The following SEMA4G variants were observed in gnomAD, a reference collection of about 807,000 sequenced individuals.
SEMA4G encodes semaphorin 4G, also known as semaphorin-4G.
Under a neutral mutation model 81.2 loss-of-function variants are expected in SEMA4G, and 59 were observed. The ratio of observed to expected loss-of-function variants is 0.73; its 90% CI spans 0.59 to 0.90. The LOEUF is 0.90. Ranked by LOEUF, SEMA4G falls within the 40% of genes least tolerant of loss-of-function variation. SEMA4G has a pLI of 0.00. For missense variants in SEMA4G, 952 were observed against 1,102.3 expected (o/e 0.86, Z 1.93); for synonymous variants, 404 against 433.9 (o/e 0.93, Z 0.86).
chr10:100,972,759 T>G lies in SEMA4G; in HGVS notation c.-154T>G, dbSNP rs1807570131. The G allele has an allele frequency of 1.8e-5, 12 of 661,600 alleles. No homozygotes were observed. Among genetic ancestry groups the G allele is most frequent in the East Asian group, 5.9e-5 (2 of 33,984 alleles). 41.0% of individuals were successfully genotyped at this position (661,600 alleles called of 1,614,324 possible). On this transcript the variant is annotated 5_prime_UTR_variant, in exon 1 of 14. An upstream start codon of the reference 5' UTR is lost. Coordinates refer to ENST00000370250, the Ensembl canonical transcript of SEMA4G. ...GATTCCAGGACCCCCCATGGCCCCA[T>G]GATTCCTTGACTCCTATGACCTTAT...
intron 8 of SEMA4G, 172 bp downstream of exon 9, chr10:100,979,443 C>T (rs1222229433): frequency 1.1e-5 from 17 of 1,501,064 alleles, no homozygotes; most frequent in Middle Eastern, 4.9e-4. Context: ...AGTGCAGTGG[C>T]GCGATCTCGG....
chr10:100,977,220 G>A (rs1164756500), intron 3 of SEMA4G, among the ~76,000 whole-genome samples: 1 of 152,180 alleles, frequency 6.6e-6, no homozygotes, highest in Non-Finnish European at 1.5e-5. Flanking sequence ...GAGCAAGCTG[G>A]CATCTAGGGA....
At chr10:100,979,962 G>A in exon 9 of SEMA4G, 1 of 1,614,114 alleles carries the variant, frequency 6.2e-7, no homozygotes, top group Non-Finnish European at 8.5e-7. Context: ...GTCGCTATGA[G>A]GGTGGGGTGC....
intron 10 of SEMA4G, 27 bp downstream of exon 11, chr10:100,980,371 C>T: frequency 6.3e-7 from 1 of 1,592,340 alleles, no homozygotes; most frequent in Non-Finnish European, 8.6e-7. Flanking sequence ...TCCCTGATCC[C>T]TGTTGGCCCT....
intron 3 of SEMA4G, chr10:100,974,885 G>A (rs1026741136): frequency 2.3e-6 from 1 of 426,958 alleles, no homozygotes; most frequent in South Asian, 1.7e-5. Flanking sequence ...GCCAAGGCAG[G>A]AGGATCACTT....
exon 12 of SEMA4G, chr10:100,980,982 G>A (rs766227835): frequency 2.5e-6 from 4 of 1,599,640 alleles, no homozygotes; most frequent in African/African-American, 2.7e-5. Flanking sequence ...ATAGCCAACA[G>A]GTCCCAGGGA....
chr10:100,980,536 A>G (rs769967756), intron 10 of SEMA4G, 42 bp from the exon 12 acceptor site: 5 of 1,554,486 alleles, frequency 3.2e-6, no homozygotes, highest in Non-Finnish European at 4.4e-6. Context: ...CTGAGAGCAG[A>G]TCCCATAGTT....
At chr10:100,980,579 T>C (rs750865022) in exon 11 of SEMA4G, 1 of 1,612,948 alleles carries the variant, frequency 6.2e-7, no homozygotes, top group Admixed American at 1.7e-5. Flanking sequence ...CCATACCAGC[T>C]GATGGCTGGA....
chr10:100,985,098 T>A (rs1447292211), downstream of SEMA4G: 2 of 542,158 alleles, frequency 3.7e-6, no homozygotes, highest in Non-Finnish European at 6.3e-6. Flanking sequence ...CTAGGATGGA[T>A]GACCAACACT....
chr10:100,983,316 C>A, exon 14 of SEMA4G: 1 of 1,549,652 alleles, frequency 6.5e-7, no homozygotes. Flanking sequence ...GCCACCACCA[C>A]CACTGAAGAC....
At position 100,973,225 on chromosome 10, in the gene SEMA4G, G is replaced by A. The variant is rs1007038634; in HGVS notation, c.221G>A (p.Gly74Asp). ...GCAAGGCTGCTGGTGGGAGCCCGAG[G>A]TGCCCTGTTCTCTCTCAGTGCCAAC... The change falls in exon 2 of 14, where the codon GGT becomes GAT. Residue 74 changes from glycine to aspartate, a missense_variant. Gly to Asp is a moderately conservative substitution (Grantham distance 94, BLOSUM62 -1). Transcript: ENST00000370250. The surrounding 1 kb of genome is among the most constrained non-coding windows in gnomAD (Gnocchi z 5.5). The A allele has an allele frequency of 1.9e-6, 3 of 1,613,396 alleles. No homozygotes were observed. Among genetic ancestry groups the A allele is most frequent in the African/African-American group, 2.7e-5 (2 of 74,896 alleles).
chr10:100,982,635 T>C (rs909629233), intron 13 of SEMA4G, among the ~76,000 whole-genome samples: 1 of 152,022 alleles, frequency 6.6e-6, no homozygotes, highest in Non-Finnish European at 1.5e-5. Flanking sequence ...CTACTAAAAA[T>C]ACAAAAACTA....
chr10:100,983,844 G>A (rs753794838), exon 14 of SEMA4G: 2 of 1,593,302 alleles, frequency 1.3e-6, no homozygotes, highest in Non-Finnish European at 8.5e-7. Context: ...GGGTGATGAT[G>A]AGGGGGCTGG....
At chr10:100,982,973 T>G (rs1851182916) in intron 13 of SEMA4G, among the ~76,000 whole-genome samples, 1 of 152,178 alleles carries the variant, frequency 6.6e-6, no homozygotes, top group South Asian at 2.1e-4. Context: ...CATGTGGAGA[T>G]GCCCAGCACA....
Position 100,980,437 on chromosome 10 carries a change from A to G in SEMA4G, c.1351+93A>G. The G allele has an allele frequency of 1.6e-5, 23 of 1,408,066 alleles. No homozygotes were observed. The South Asian group carries it at 2.7e-4, about 17-fold the overall frequency. 87.2% of individuals were successfully genotyped at this position (1,408,066 alleles called of 1,614,324 possible). A position where few individuals can be genotyped will look rare whatever the true frequency, so the allele number is the denominator to read the frequency against. On this transcript the variant is annotated intron_variant, in intron 10 of 13. Transcript: ENST00000370250. ...CTGCCATGACTAGTCTGGAGTTCCC[A>G]GTGTCCTGAGGGTCCACTGCTCCTG...
At chr10:100,980,498 C>T in intron 10 of SEMA4G, 80 bp from the exon 12 acceptor site, 2 of 1,394,756 alleles carry the variant, frequency 1.4e-6, no homozygotes, top group Non-Finnish European at 2.0e-6. Context: ...GACTCCTGAG[C>T]TGTTCGTATT....
rs781250033 is a variant in SEMA4G at position 100,978,507 on chromosome 10, C to A, written c.530-20C>A. On this transcript the variant is annotated intron_variant, in intron 5 of 13. Coordinates refer to ENST00000370250, the Ensembl canonical transcript of SEMA4G. Reference sequence around the variant, plus strand: ...GTTGAATATGACATGTCTCTCATGCCTGGAATATCCCCACGCCAGATGGAG... The same window carrying A: ...GTTGAATATGACATGTCTCTCATGCATGGAATATCCCCACGCCAGATGGAG... The A allele has an allele frequency of 6.2e-7, 1 of 1,609,586 alleles. No individual in the cohort carries two copies. Among genetic ancestry groups the A allele is most frequent in the South Asian group, 1.1e-5 (1 of 91,010 alleles).
intron 3 of SEMA4G, among the ~76,000 whole-genome samples, chr10:100,976,559 A>G (rs886546109): frequency 2.6e-5 from 4 of 152,200 alleles, no homozygotes; most frequent in Admixed American, 2.0e-4. Flanking sequence ...CCTGGGCTCC[A>G]GTGATCCTCC....
intron 3 of SEMA4G, among the ~76,000 whole-genome samples, chr10:100,974,176 A>G (rs892711507): frequency 1.3e-5 from 2 of 152,040 alleles, no homozygotes; most frequent in African/African-American, 4.8e-5. Context: ...CAAAATGGCA[A>G]TAAGTAGGCT....
Sources: allele counts gnomAD v4.1 joint callset (sites outside exome capture counted in the v4.1 genomes callset), GRCh38; gene constraint gnomAD v4.1.1; non-coding constraint Gnocchi (gnomAD v3.1); transcripts MANE v1.5; gene names NCBI Gene and HGNC (gene_info 2026-07-23, HGNC 2026-07-21).